ATP6V0A4: variants seen among roughly 807,000 people sequenced by gnomAD.
The protein encoded by ATP6V0A4 is V-type proton ATPase 116 kDa subunit a 4.
ATP6V0A4 carries 86 observed loss-of-function variants against 107.3 expected under a neutral mutation model. The observed-to-expected ratio is 0.80, with a 90% CI of 0.67 to 0.96. The LOEUF (loss-of-function observed/expected upper bound fraction) is 0.96. Among genes scored for constraint, ATP6V0A4 ranks in the 40% least tolerant of loss-of-function variants. The pLI is 0.00. For synonymous variants in ATP6V0A4, 353 were observed against 381.4 expected, an observed-to-expected ratio of 0.93 and a Z score of 0.87; for missense variants, 908 against 1,045.6, an observed-to-expected ratio of 0.87 and a Z score of 1.81.
At chr7:138,747,735 G>T in intron 12 of ATP6V0A4, 171 bp from the exon 13 acceptor site, 1 of 1,082,330 alleles carries the variant, frequency 9.2e-7, no homozygotes, top group Non-Finnish European at 1.3e-6. Context: ...ATAAATGAGT[G>T]CATCTGTTCC....
intron 20 of ATP6V0A4, among the ~76,000 whole-genome samples, chr7:138,715,218 T>C (rs1245008957): frequency 6.6e-6 from 1 of 152,180 alleles, no homozygotes; most frequent in Non-Finnish European, 1.5e-5. Flanking sequence ...GTCTGTTTGT[T>C]TGAGACGGAG....
intron 2 of ATP6V0A4, among the ~76,000 whole-genome samples, chr7:138,781,838 TCTCTC>T (rs149577402): frequency 0.41 from 49,278 of 120,852 alleles, 9,129 homozygotes; most frequent in Admixed American, 0.52. Flanking sequence ...TCTGTCTCTC[TCTCTC>T]TTTTTTTTTT....
At chr7:138,710,497 T>C (rs1803686058) in intron 20 of ATP6V0A4, among the ~76,000 whole-genome samples, 1 of 152,236 alleles carries the variant, frequency 6.6e-6, no homozygotes, top group Non-Finnish European at 1.5e-5. Flanking sequence ...CCACAGCCTC[T>C]TCTTTGACCA....
At position 138,772,528 on chromosome 7, in the gene ATP6V0A4, A is replaced by C. The variant is rs74964919; in HGVS notation, c.-17-1264T>G. 1.9e-3 allele frequency among the ~76,000 whole-genome samples: 284 copies of C among 152,328 alleles called. 1 individual carries two copies. Among genetic ancestry groups the C allele is most frequent in the African/African-American group, 6.7e-3 (277 of 41,558 alleles). On this transcript the variant is annotated intron_variant, in intron 2 of 21. Transcript: ENST00000310018. ...CAAGACACAGTTCCACCATACAGTC[A>C]TAAGTGTGTATTGACACTGCTGATT...
At chr7:138,712,264 G>C (rs1165286775) in intron 20 of ATP6V0A4, among the ~76,000 whole-genome samples, 1 of 151,934 alleles carries the variant, frequency 6.6e-6, no homozygotes, top group Non-Finnish European at 1.5e-5. Context: ...GGATCTCAGC[G>C]CTTCAAGTCA....
chr7:138,733,102 G>A lies in ATP6V0A4; in HGVS notation c.1692-9C>T, dbSNP rs750342679. 6.2e-6 allele frequency: 10 copies of A among 1,613,746 alleles called. No individual in the cohort carries two copies. In the East Asian group the frequency reaches 2.2e-4, roughly 36 times the overall value. On this transcript the variant is annotated splice_polypyrimidine_tract_variant and intron_variant, in intron 16 of 21. Coordinates refer to ENST00000310018, the MANE Select transcript of ATP6V0A4 (RefSeq NM_020632.3). Reference sequence around the variant, plus strand: ...GAGTTCTTCTGAAGTATCTGGGGGTGGAAGACACACACATACACAAGATAG... The same window carrying A: ...GAGTTCTTCTGAAGTATCTGGGGGTAGAAGACACACACATACACAAGATAG...
chr7:138,733,315 G>T (rs749956058), intron 16 of ATP6V0A4, among the ~76,000 whole-genome samples: 2 of 129,310 alleles, frequency 1.5e-5, no homozygotes, highest in Non-Finnish European at 3.1e-5. Context: ...TTGCACAAAA[G>T]AGTCAGAGAG....
chr7:138,728,951 C>T, intron 17 of ATP6V0A4, 89 bp from the exon 18 acceptor site: 3 of 1,606,176 alleles, frequency 1.9e-6, no homozygotes, highest in Non-Finnish European at 2.5e-6. Flanking sequence ...TGGGCCACTT[C>T]ACTAGCACTT....
At chr7:138,784,271 T>TATATATAC (rs1240760494) in intron 2 of ATP6V0A4, among the ~76,000 whole-genome samples, 6 of 32,702 alleles carry the variant, frequency 1.8e-4, no homozygotes, top group African/African-American at 6.6e-4. Context: ...TATATACATA[T>TATATATAC]ATATATATAC....
At chr7:138,733,401 G>T (rs781660363) in intron 16 of ATP6V0A4, among the ~76,000 whole-genome samples, 2 of 151,998 alleles carry the variant, frequency 1.3e-5, no homozygotes, top group Admixed American at 1.3e-4. Context: ...CTACAGCTTC[G>T]CATGCAGACC....
At chr7:138,707,338 TATATATA>T (rs1803484803) in intron 21 of ATP6V0A4, among the ~76,000 whole-genome samples, 3 of 109,038 alleles carry the variant, frequency 2.8e-5, no homozygotes, top group African/African-American at 3.6e-5. Context: ...ATATTTATAA[TATATATA>T]TTATAATATA....
intron 11 of ATP6V0A4, among the ~76,000 whole-genome samples, chr7:138,750,579 C>T (rs565129759): frequency 5.3e-5 from 8 of 152,356 alleles, no homozygotes; most frequent in East Asian, 1.9e-4. Flanking sequence ...CCCGACAGCA[C>T]GTGCCACATG....
chr7:138,708,017 T>TTTTATTTATTTA (rs377141085), intron 21 of ATP6V0A4, among the ~76,000 whole-genome samples: 295 of 139,998 alleles, frequency 2.1e-3, no homozygotes, highest in South Asian at 4.8e-3. Flanking sequence ...TTATGTTTTA[T>TTTTATTTATTTA]TTTATTTATT....
intron 1 of ATP6V0A4, among the ~76,000 whole-genome samples, chr7:138,794,718 G>A (rs938534091): frequency 5.3e-5 from 8 of 151,970 alleles, no homozygotes; most frequent in South Asian, 2.1e-4. Flanking sequence ...CCTGATATGC[G>A]CTCCAAAGTA....
intron 8 of ATP6V0A4, among the ~76,000 whole-genome samples, chr7:138,757,974 G>A (rs937473980): frequency 4.6e-5 from 7 of 152,288 alleles, no homozygotes; most frequent in East Asian, 1.9e-4. Flanking sequence ...TTCTCTACCC[G>A]TGGAGTCTAC....
chr7:138,779,077 G>A (rs972651784), intron 2 of ATP6V0A4, among the ~76,000 whole-genome samples: 8 of 152,164 alleles, frequency 5.3e-5, no homozygotes, highest in African/African-American at 1.9e-4. Flanking sequence ...GCGATGGCTT[G>A]AGCCTATAAT....
At chr7:138,769,014 C>T (rs1225708499) in intron 4 of ATP6V0A4, 140 bp from the exon 5 acceptor site, 1 of 1,565,720 alleles carries the variant, frequency 6.4e-7, no homozygotes, top group African/African-American at 1.4e-5. Context: ...ACCTGGATCC[C>T]ACCCCCAACC....
At chr7:138,715,707 C>A (rs1382640328) in intron 20 of ATP6V0A4, 57 bp downstream of exon 20, 9 of 1,586,800 alleles carry the variant, frequency 5.7e-6, no homozygotes, top group Non-Finnish European at 6.9e-6. Context: ...TACATGGCAC[C>A]TATTTCCTGG....
intron 17 of ATP6V0A4, among the ~76,000 whole-genome samples, chr7:138,730,401 T>G (rs1804945497): frequency 6.6e-6 from 1 of 150,572 alleles, no homozygotes; most frequent in Non-Finnish European, 1.5e-5. Context: ...TCCTTTGATA[T>G]TCAAAGACAG....
Sources: allele counts gnomAD v4.1 joint callset (sites outside exome capture counted in the v4.1 genomes callset), GRCh38; gene constraint gnomAD v4.1.1; transcripts MANE v1.5; gene names NCBI Gene and HGNC (gene_info 2026-07-23, HGNC 2026-07-21).